The following PIK3R6 variants were observed in gnomAD, a reference collection of about 807,000 sequenced individuals.
PIK3R6 encodes the protein phosphoinositide-3-kinase regulatory subunit 6.
Under a neutral mutation model 84.9 loss-of-function variants are expected in PIK3R6, and 91 were observed. The observed-to-expected ratio is 1.07, with a 90% CI of 0.90 to 1.28. The LOEUF (loss-of-function observed/expected upper bound fraction) is 1.28, where lower values mean the gene tolerates loss of function less well. Ranked by LOEUF, PIK3R6 falls within the 50% of genes most tolerant of loss-of-function variation. PIK3R6 has a pLI of 0.00. For missense variants in PIK3R6, 996 were observed against 985.1 expected, an observed-to-expected ratio of 1.01 and a Z score of -0.15; for synonymous variants, 416 against 411.4, an observed-to-expected ratio of 1.01 and a Z score of -0.13.
chr17:8,863,545 T>TG (rs2089330228), intron 1 of PIK3R6, among the ~76,000 whole-genome samples: 1 of 151,822 alleles, frequency 6.6e-6, no homozygotes, highest in Admixed American at 6.6e-5. Flanking sequence ...GTGTGTGTGT[T>TG]TTTTTTTGAG....
intron 10 of PIK3R6, among the ~76,000 whole-genome samples, chr17:8,829,192 TACACACACGTGCACACACACAGACAC>T (rs1057184868): frequency 1.4e-5 from 2 of 146,334 alleles, no homozygotes; most frequent in Admixed American, 1.3e-4. Flanking sequence ...CAGACAGACA[TACACACACGTGCACACACACAGACAC>T]ACACACAGAG....
At chr17:8,845,861 T>C (rs549190217) in intron 2 of PIK3R6, among the ~76,000 whole-genome samples, 8 of 152,170 alleles carry the variant, frequency 5.3e-5, no homozygotes, top group African/African-American at 1.4e-4. Flanking sequence ...CGCTTAAACC[T>C]GGGGGGTGGA....
intron 9 of PIK3R6, 56 bp from the exon 10 acceptor site, chr17:8,829,848 G>A (rs1484313461): frequency 1.4e-6 from 2 of 1,394,372 alleles, no homozygotes; most frequent in African/African-American, 1.4e-5. Flanking sequence ...ACCCTCCTCT[G>A]CCCTCCCCAT....
chr17:8,815,977 CA>C (rs1263843942), intron 18 of PIK3R6, among the ~76,000 whole-genome samples: 1 of 152,202 alleles, frequency 6.6e-6, no homozygotes, highest in Non-Finnish European at 1.5e-5. Flanking sequence ...GAGTTGATAA[CA>C]TCTCTGAGGC....
intron 1 of PIK3R6, among the ~76,000 whole-genome samples, chr17:8,851,268 C>A (rs544409284): frequency 6.6e-6 from 1 of 152,090 alleles, no homozygotes; most frequent in Admixed American, 6.5e-5. Context: ...GAGGCCGAGG[C>A]GGGCAGATCA....
At position 8,842,280 on chromosome 17, in the gene PIK3R6, C is replaced by T. The variant is rs576788315; in HGVS notation, c.14-2583G>A. ...CAGCTGTGAAATCCATCACTTTCTG[C>T]TGAGCCACGCCTCCCAGCCAAAATA... On this transcript the variant is annotated intron_variant, in intron 2 of 19. Coordinates refer to ENST00000619866, the MANE Select transcript of PIK3R6 (RefSeq NM_001010855.4). The surrounding 1 kb of genome is among the most constrained non-coding windows in gnomAD (Gnocchi z 4.5). 6.6e-6 allele frequency among the ~76,000 whole-genome samples: 1 copy of T among 152,166 alleles called. No homozygotes were observed. Among genetic ancestry groups the T allele is most frequent in the Non-Finnish European group, 1.5e-5 (1 of 68,034 alleles).
In PIK3R6 at chr17:8,847,968, T is replaced by C. The variant is rs576163920; in HGVS notation, c.13+1814A>G. ...CATCCCTCCCTGCTTATTGCAGTCT[T>C]GGTGGGACTGTGACCCAGGTGCCTA... On this transcript the variant is annotated intron_variant, in intron 2 of 19. Transcript: ENST00000619866. Among the ~76,000 whole-genome samples the C allele has an allele frequency of 2.6e-5, 4 of 152,264 alleles. No homozygotes were observed. In the South Asian group the frequency reaches 8.3e-4, roughly 32 times the overall value.
chr17:8,836,462 C>A, intron 7 of PIK3R6, 85 bp downstream of exon 7: 1 of 1,460,776 alleles, frequency 6.8e-7, no homozygotes, highest in East Asian at 2.3e-5. Context: ...CCAGCCTCCT[C>A]TTTTGTCCTC....
At chr17:8,843,231 G>A (rs2088731461) in intron 2 of PIK3R6, among the ~76,000 whole-genome samples, 1 of 152,164 alleles carries the variant, frequency 6.6e-6, no homozygotes, top group African/African-American at 2.4e-5. Context: ...AATGCAGGAT[G>A]AGTTATTAGA....
At chr17:8,821,302 C>T (rs1250215869) in intron 17 of PIK3R6, among the ~76,000 whole-genome samples, 1 of 152,084 alleles carries the variant, frequency 6.6e-6, no homozygotes, top group Non-Finnish European at 1.5e-5. Context: ...CTTCCATTTC[C>T]TCTCCAGTAA....
intron 1 of PIK3R6, among the ~76,000 whole-genome samples, chr17:8,855,339 A>G (rs767215257): frequency 3.9e-5 from 6 of 152,072 alleles, no homozygotes; most frequent in Non-Finnish European, 5.9e-5. Flanking sequence ...AAACTAGGAT[A>G]AATAAATAAC....
intron 2 of PIK3R6, among the ~76,000 whole-genome samples, chr17:8,840,294 A>C (rs528886462): frequency 0.087 from 8,303 of 95,714 alleles, 630 homozygotes; most frequent in Non-Finnish European, 0.098. Context: ...TATACAGCCT[A>C]CAAATATGTA....
chr17:8,863,384 C>G (rs1276333768), intron 1 of PIK3R6, among the ~76,000 whole-genome samples: 1 of 152,066 alleles, frequency 6.6e-6, no homozygotes, highest in Non-Finnish European at 1.5e-5. Context: ...AATATTTACT[C>G]TCTTAGTAAT....
At chr17:8,829,254 C>CAT (rs754192322) in intron 10 of PIK3R6, among the ~76,000 whole-genome samples, 41 of 150,056 alleles carry the variant, frequency 2.7e-4, no homozygotes, top group Non-Finnish European at 5.3e-4. Flanking sequence ...TGCATGCACG[C>CAT]ATACACACAC....
Position 8,832,991 on chromosome 17 carries a change from C to T in PIK3R6, c.700G>A (p.Glu234Lys), listed in dbSNP as rs2088310199. 1.2e-6 allele frequency: 2 copies of T among 1,611,294 alleles called. 1 individual carries two copies. Among genetic ancestry groups the T allele is most frequent in the South Asian group, 2.2e-5 (2 of 91,052 alleles). ...HYFHAVVAAL[E>K]QMASEASPSR... Reference sequence around the variant, plus strand: ...GGGCTGGCCTCGCTGGCCATCTGCTCCAAGGCGGCCACCACGGCGTGGAAA... The same window carrying T: ...GGGCTGGCCTCGCTGGCCATCTGCTTCAAGGCGGCCACCACGGCGTGGAAA... The change falls in exon 9 of 20, where the codon GAG (glutamate) becomes AAG (lysine). Residue 234 changes from glutamate (E) to lysine (K), a missense_variant. Coordinates refer to ENST00000619866, the MANE Select transcript of PIK3R6 (RefSeq NM_001010855.4).
intron 1 of PIK3R6, among the ~76,000 whole-genome samples, chr17:8,864,392 A>G (rs916923874): frequency 6.6e-6 from 1 of 152,122 alleles, no homozygotes; most frequent in African/African-American, 2.4e-5. Context: ...TGTGAGTAAT[A>G]GAGTTCTTTG....
At chr17:8,838,387 G>A (rs1005013770) in intron 4 of PIK3R6, 177 bp downstream of exon 4, 7 of 567,108 alleles carry the variant, frequency 1.2e-5, no homozygotes, top group Non-Finnish European at 2.2e-5. Context: ...AAAACAATGA[G>A]AGTCGACGTA....
chr17:8,829,963 A>G (rs896098849), intron 9 of PIK3R6, among the ~76,000 whole-genome samples, 171 bp from the exon 10 acceptor site: 5 of 152,190 alleles, frequency 3.3e-5, no homozygotes, highest in African/African-American at 9.7e-5. Context: ...CCAGGGCCCA[A>G]CAGTGCAGCT....
At chr17:8,804,708 C>T (rs1377275079) in intron 18 of PIK3R6, among the ~76,000 whole-genome samples, 5 of 152,124 alleles carry the variant, frequency 3.3e-5, no homozygotes, top group Non-Finnish European at 5.9e-5. Flanking sequence ...CCAGAGAGGT[C>T]GCCTCCCATT....
Sources: allele counts gnomAD v4.1 joint callset (sites outside exome capture counted in the v4.1 genomes callset), GRCh38; gene constraint gnomAD v4.1.1; non-coding constraint Gnocchi (gnomAD v3.1); transcripts MANE v1.5; gene names NCBI Gene and HGNC (gene_info 2026-07-23, HGNC 2026-07-21).